The following PCDHGA4 variants were observed in gnomAD, a reference collection of about 807,000 sequenced individuals.
The protein encoded by PCDHGA4 is protocadherin gamma-A4.
A neutral mutation model predicts 54.6 loss-of-function variants in PCDHGA4; 38 were observed. The observed-to-expected ratio is 0.70, with a 90% CI of 0.54 to 0.91. PCDHGA4 has a LOEUF of 0.91. Ranked by LOEUF, PCDHGA4 falls within the 40% of genes least tolerant of loss-of-function variation. The probability of loss-of-function intolerance (pLI) is 0.00; values close to 1 mark genes in which losing one functional copy is unlikely to be tolerated. For synonymous variants in PCDHGA4, 511 were observed against 512.9 expected (o/e 1.00, Z 0.05); for missense variants, 1,298 against 1,220.9 (o/e 1.06, Z -0.94).
chr5:141,410,897 A>G (rs1276742953), intron 1 of PCDHGA4: 1 of 273,412 alleles, frequency 3.7e-6, no homozygotes, highest in African/African-American at 3.4e-5. Flanking sequence ...ACTGTTGCCT[A>G]GGCTGGAGTG....
intron 1 of PCDHGA4, chr5:141,361,481 C>T (rs1561523775): frequency 6.2e-7 from 1 of 1,614,042 alleles, no homozygotes; most frequent in Non-Finnish European, 8.5e-7. Context: ...AACGATAATG[C>T]CCCAGTTTTC....
intron 1 of PCDHGA4, chr5:141,427,194 T>G (rs759512205): frequency 6.6e-6 from 3 of 456,512 alleles, no homozygotes; most frequent in Non-Finnish European, 1.3e-5. Context: ...ATCCAAAGAC[T>G]TAATAGACTT....
rs760056101 is a variant in PCDHGA4, at chr5:141,361,494, A to T, written c.2514+3873A>T. The T allele has an allele frequency of 2.5e-6, 4 of 1,613,976 alleles. No homozygotes were observed. In the East Asian group the frequency reaches 8.9e-5, roughly 36 times the overall value. On this transcript the variant is annotated intron_variant, in intron 1 of 3. Coordinates refer to ENST00000571252, the MANE Select transcript of PCDHGA4 (RefSeq NM_018917.4). ...TCAACGATAATGCCCCAGTTTTCCA[A>T]CAGACTTCCTACATGGTTCACGTGG...
intron 1 of PCDHGA4, among the ~76,000 whole-genome samples, chr5:141,484,321 G>A (rs2099594762): frequency 6.6e-6 from 1 of 152,124 alleles, no homozygotes; most frequent in Non-Finnish European, 1.5e-5. Flanking sequence ...CTTCCATACT[G>A]TCCTTGAAAT....
intron 1 of PCDHGA4, chr5:141,409,913 G>C (rs769370742): frequency 1.9e-6 from 3 of 1,613,334 alleles, no homozygotes; most frequent in East Asian, 2.2e-5. Flanking sequence ...GGGTCCTGAC[G>C]GCTCCGCGTT....
At chr5:141,374,731 T>G in intron 1 of PCDHGA4, 1 of 1,610,684 alleles carries the variant, frequency 6.2e-7, no homozygotes, top group Non-Finnish European at 8.5e-7. Flanking sequence ...CTGCCATGGA[T>G]GGCGGCGACC....
chr5:141,497,649 C>T (rs973501351), intron 2 of PCDHGA4, among the ~76,000 whole-genome samples: 1 of 151,784 alleles, frequency 6.6e-6, no homozygotes, highest in Non-Finnish European at 1.5e-5. Context: ...AAGCGATTCT[C>T]CTGCCTCAGC....
intron 1 of PCDHGA4, among the ~76,000 whole-genome samples, chr5:141,396,897 T>C (rs1337739986): frequency 1.3e-5 from 2 of 152,220 alleles, no homozygotes; most frequent in African/African-American, 4.8e-5. Flanking sequence ...CAACATATTA[T>C]TGGCACTTTG....
At position 141,512,161 on chromosome 5, in the gene PCDHGA4, G is replaced by A. The variant is rs1176664723; in HGVS notation, c.*988G>A. On this transcript the variant is annotated 3_prime_UTR_variant, in exon 4 of 4. Transcript: ENST00000571252. ...AGCCAGCTTTGGGCTGAGCTAACAGGACCAATGGATTAAACTGGCATTTCA... is the reference window on the plus strand; with the variant it reads ...AGCCAGCTTTGGGCTGAGCTAACAGAACCAATGGATTAAACTGGCATTTCA... The A allele has an allele frequency of 6.5e-6, 1 of 152,704 alleles. No homozygotes were observed. Among genetic ancestry groups the A allele is most frequent in the African/African-American group, 2.4e-5 (1 of 41,440 alleles). 9.5% of individuals were successfully genotyped at this position (152,704 alleles called of 1,614,324 possible). A position where few individuals can be genotyped will look rare whatever the true frequency, so the allele number is the denominator to read the frequency against.
chr5:141,403,254 G>A (rs2094383546), intron 1 of PCDHGA4: 3 of 1,613,830 alleles, frequency 1.9e-6, no homozygotes, highest in Non-Finnish European at 2.5e-6. Flanking sequence ...CAGAGCCCGC[G>A]GTGTCTGGTG....
intron 1 of PCDHGA4, among the ~76,000 whole-genome samples, chr5:141,463,024 A>G (rs2099051235): frequency 6.6e-6 from 1 of 152,070 alleles, no homozygotes; most frequent in South Asian, 2.1e-4. Context: ...GACTTTTTTG[A>G]TTAATCTGAG....
chr5:141,421,535 G>A, intron 1 of PCDHGA4: 7 of 1,614,032 alleles, frequency 4.3e-6, no homozygotes, highest in East Asian at 2.2e-5. Flanking sequence ...GTGTCCTCCT[G>A]TTTTTTAAAT....
rs780241180 is a variant in PCDHGA4, at chr5:141,490,819, C to A, written c.2515-3988C>A. On this transcript the variant is annotated intron_variant, in intron 1 of 3. Transcript: ENST00000571252. The surrounding 1 kb of genome is among the most constrained non-coding windows in gnomAD (Gnocchi z 5.4). ...CCAGCGTACCTTTGACTATGAATTGCTGCAGATGCTGCAGATTGTGGTGGG... is the reference window on the plus strand; with the variant it reads ...CCAGCGTACCTTTGACTATGAATTGATGCAGATGCTGCAGATTGTGGTGGG... 3 of 1,613,842 alleles carry A rather than the reference C, an allele frequency of 1.9e-6. No individual in the cohort carries two copies. The highest frequency in any genetic ancestry group is 2.5e-6 in the Non-Finnish European group (3 of 1,179,804).
intron 2 of PCDHGA4, among the ~76,000 whole-genome samples, chr5:141,495,175 C>A (rs1337353259): frequency 6.6e-6 from 1 of 152,300 alleles, no homozygotes; most frequent in Middle Eastern, 3.4e-3. Flanking sequence ...TGGGTGAAAG[C>A]GAGGCTTTCT....
At chr5:141,382,174 T>C (rs565518933) in intron 1 of PCDHGA4, among the ~76,000 whole-genome samples, 1 of 152,302 alleles carries the variant, frequency 6.6e-6, no homozygotes, top group African/African-American at 2.4e-5. Context: ...TTAGACCGTC[T>C]CTAAGGTTCT....
intron 1 of PCDHGA4, chr5:141,399,261 T>G: frequency 1.2e-6 from 2 of 1,613,918 alleles, no homozygotes; most frequent in Non-Finnish European, 1.7e-6. Context: ...ATGGGGAGGT[T>G]AATTGTCAAT....
intron 1 of PCDHGA4, chr5:141,361,762 A>G (rs1184426981): frequency 6.2e-7 from 1 of 1,613,010 alleles, no homozygotes; most frequent in Non-Finnish European, 8.5e-7. Flanking sequence ...GCCCGCGCTC[A>G]GCGCCAACGT....
At chr5:141,415,392 G>T in intron 1 of PCDHGA4, 1 of 1,614,238 alleles carries the variant, frequency 6.2e-7, no homozygotes, top group Non-Finnish European at 8.5e-7. Context: ...TGACAGGTGT[G>T]TCCGGCTCGC....
intron 1 of PCDHGA4, chr5:141,382,950 C>T: frequency 6.2e-7 from 1 of 1,600,458 alleles, no homozygotes; most frequent in African/African-American, 1.3e-5. Context: ...TCCTGCTCTC[C>T]ATCCTCCTGG....
Sources: allele counts gnomAD v4.1 joint callset (sites outside exome capture counted in the v4.1 genomes callset), GRCh38; gene constraint gnomAD v4.1.1; non-coding constraint Gnocchi (gnomAD v3.1); transcripts MANE v1.5; gene names NCBI Gene and HGNC (gene_info 2026-07-23, HGNC 2026-07-21).